Variants in KCNJ5 observed in about 807,000 individuals in gnomAD.
KCNJ5 encodes the protein G protein-activated inward rectifier potassium channel 4.
KCNJ5 carries 12 observed loss-of-function variants against 20.2 expected under a neutral mutation model. That is an observed-to-expected ratio of 0.59 (90% CI 0.38 to 0.96). The LOEUF (loss-of-function observed/expected upper bound fraction) is 0.96. Among genes scored for constraint, KCNJ5 ranks in the 40% least tolerant of loss-of-function variants. KCNJ5 has a pLI of 0.00. For missense variants in KCNJ5, 449 were observed against 557.6 expected, an observed-to-expected ratio of 0.81 and a Z score of 1.96; for synonymous variants, 210 against 213.9, an observed-to-expected ratio of 0.98 and a Z score of 0.16.
intron 1 of KCNJ5, among the ~76,000 whole-genome samples, chr11:128,910,548 A>G (rs1591449406): frequency 6.6e-6 from 1 of 152,260 alleles, no homozygotes; most frequent in Non-Finnish European, 1.5e-5. Flanking sequence ...AATGAAAGAA[A>G]CAGCACAGGC....
In KCNJ5 at chr11:128,916,759, T is replaced by G; in HGVS notation, c.*28T>G. 2.0e-6 allele frequency: 3 copies of G among 1,523,672 alleles called. No homozygotes were observed. In the South Asian group the frequency reaches 3.5e-5, roughly 18 times the overall value. The allele number at this position is 1,523,672 out of a possible 1,614,324, so 94.4% of individuals were successfully genotyped here. On this transcript the variant is annotated 3_prime_UTR_variant, in exon 3 of 3. Transcript: ENST00000529694. ...GGTGCAGCCTCCCTAAGACCTCCTG[T>G]CACTGGCTTCAGTGAACACAGACAC...
intron 1 of KCNJ5, among the ~76,000 whole-genome samples, chr11:128,897,085 G>A (rs757584163): frequency 1.1e-3 from 152 of 136,876 alleles, no homozygotes; most frequent in Non-Finnish European, 2.0e-3. Context: ...TACTAATACC[G>A]TTTACCACTT....
intron 1 of KCNJ5, among the ~76,000 whole-genome samples, chr11:128,894,565 T>C (rs1237518132): frequency 6.6e-6 from 1 of 152,264 alleles, no homozygotes; most frequent in African/African-American, 2.4e-5. Context: ...GTTTTGTTTT[T>C]ATTTTCTAAA....
At chr11:128,914,390 T>C (rs1262848460) in intron 2 of KCNJ5, among the ~76,000 whole-genome samples, 1 of 152,076 alleles carries the variant, frequency 6.6e-6, no homozygotes, top group African/African-American at 2.4e-5. Context: ...GGGCCCGCCA[T>C]TCACTTGTCC....
intron 1 of KCNJ5, among the ~76,000 whole-genome samples, chr11:128,910,911 G>T (rs577668110): frequency 6.6e-6 from 1 of 152,206 alleles, no homozygotes; most frequent in African/African-American, 2.4e-5. Flanking sequence ...CATGTAATGC[G>T]TGGGACACAG....
At position 128,911,725 on chromosome 11, in the gene KCNJ5, G is replaced by C. The variant is rs587777437; in HGVS notation, c.452G>C (p.Gly151Ala). 1 of 1,614,028 alleles carries C rather than the reference G, an allele frequency of 6.2e-7. No individual in the cohort carries two copies. Among genetic ancestry groups the C allele is most frequent in the Non-Finnish European group, 8.5e-7 (1 of 1,180,040 alleles). Residue 151 changes from glycine to alanine, a missense_variant, in exon 2 of 3, where the codon GGG (glycine) becomes GCG (alanine). Physicochemically the swap from Gly to Ala is moderately conservative, Grantham distance 60. Coordinates refer to ENST00000529694, the MANE Select transcript of KCNJ5 (RefSeq NM_000890.5). The surrounding 1 kb of genome is among the most constrained non-coding windows in gnomAD (Gnocchi z 6.3). ...LFSIETETTI[G>A]YGFRVITEKC... is the part of the protein sequence containing the mutation. ...TCCATTGAGACCGAAACAACCATTGGGTATGGCTTCCGAGTCATCACAGAG... is the reference window on the plus strand; with the variant it reads ...TCCATTGAGACCGAAACAACCATTGCGTATGGCTTCCGAGTCATCACAGAG...
rs1565550389 is a variant in KCNJ5, at chr11:128,909,244, CAGGCCT to C, written c.-10-2019_-10-2014del. Among the ~76,000 whole-genome samples the C allele has an allele frequency of 5.3e-5, 8 of 152,346 alleles. No individual in the cohort carries two copies. The South Asian group carries it at 1.7e-3, about 32-fold the overall frequency. On this transcript the variant is annotated intron_variant, in intron 1 of 2. Transcript: ENST00000529694. ...ATTAGGCAGTCAGCTCAGTGGTTGACAGGCCTTTTTCCAGGTTGTTCTACTGGGGAC... is the reference window on the plus strand; with the variant it reads ...ATTAGGCAGTCAGCTCAGTGGTTGACTTTTCCAGGTTGTTCTACTGGGGAC...
At chr11:128,897,850 C>CT (rs1293205544) in intron 1 of KCNJ5, among the ~76,000 whole-genome samples, 12 of 152,118 alleles carry the variant, frequency 7.9e-5, no homozygotes, top group East Asian at 5.8e-4. Context: ...GGTCAAGGTT[C>CT]TTTTTTTTGC....
chr11:128,903,830 C>T (rs566699252), intron 1 of KCNJ5, among the ~76,000 whole-genome samples: 8 of 152,118 alleles, frequency 5.3e-5, no homozygotes, highest in Non-Finnish European at 1.0e-4. Context: ...GGAAGTGACC[C>T]GAGCTGCCGG....
intron 1 of KCNJ5, chr11:128,900,115 G>A (rs1944248939): frequency 6.6e-6 from 1 of 152,098 alleles, no homozygotes; most frequent in Non-Finnish European, 1.5e-5. Flanking sequence ...TTAAAAAATT[G>A]CTGAATATAT....
chr11:128,903,996 CA>C (rs1266794192), intron 1 of KCNJ5, among the ~76,000 whole-genome samples: 2 of 152,222 alleles, frequency 1.3e-5, no homozygotes, highest in Non-Finnish European at 2.9e-5. Flanking sequence ...TGGAATCAGA[CA>C]AAACCTAGCC....
At chr11:128,914,003 C>G (rs1011495443) in intron 2 of KCNJ5, among the ~76,000 whole-genome samples, 1 of 152,130 alleles carries the variant, frequency 6.6e-6, no homozygotes, top group Non-Finnish European at 1.5e-5. Context: ...GGTGGCTGCT[C>G]GGCCATCTGC....
At chr11:128,908,770 C>T (rs963627150) in intron 1 of KCNJ5, among the ~76,000 whole-genome samples, 1 of 152,046 alleles carries the variant, frequency 6.6e-6, no homozygotes, top group African/African-American at 2.4e-5. Context: ...CCTGCCCTGC[C>T]CAACCTCAGT....
At chr11:128,910,536 G>T (rs149033835) in intron 1 of KCNJ5, among the ~76,000 whole-genome samples, 45 of 152,312 alleles carry the variant, frequency 3.0e-4, no homozygotes, top group Non-Finnish European at 5.6e-4. Flanking sequence ...GAGACAGCAA[G>T]GAATGAAAGA....
chr11:128,912,199 T>C lies in KCNJ5; in HGVS notation c.926T>C (p.Val309Ala). Residue 309 changes from valine to alanine, a missense_variant, in exon 2 of 3, where the codon GTG becomes GCG. By Grantham distance (64) the Val-to-Ala change is moderately conservative (BLOSUM62 0). This residue lies in a region of KCNJ5 where 145 missense variants were observed against 166.2 expected (regional missense o/e 0.87). Coordinates refer to ENST00000529694, the MANE Select transcript of KCNJ5 (RefSeq NM_000890.5). ...GTTGTGGTCATTCTAGAAGGGATGG[T>C]GGAAGCCACAGGTAAGGCGCTTTGT... Reference protein sequence around the residue: ...FEVVVILEGMVEATGMTCQAR... With the variant: ...FEVVVILEGMAEATGMTCQAR... The C allele has an allele frequency of 6.2e-7, 1 of 1,602,506 alleles. No homozygotes were observed. Among genetic ancestry groups the C allele is most frequent in the South Asian group, 1.1e-5 (1 of 91,058 alleles).
intron 1 of KCNJ5, among the ~76,000 whole-genome samples, chr11:128,894,183 G>GTTTTTTTTTTTTTTTTT (rs11322063): frequency 6.8e-6 from 1 of 147,736 alleles, no homozygotes; most frequent in Non-Finnish European, 1.5e-5. Flanking sequence ...CTTCTGCATT[G>GTTTTTTTTTTTTTTTTT]TTTTTTTTTT....
chr11:128,897,936 T>G (rs1326764061), intron 1 of KCNJ5, among the ~76,000 whole-genome samples: 1 of 152,224 alleles, frequency 6.6e-6, no homozygotes, highest in Non-Finnish European at 1.5e-5. Flanking sequence ...TTTGCACTTT[T>G]GTCAAAAATA....
Position 128,911,993 on chromosome 11 carries a change from G to A in KCNJ5, c.720G>A (p.Lys240=), listed in dbSNP as rs754133106. 1.2e-6 allele frequency: 2 copies of A among 1,607,940 alleles called. No individual in the cohort carries two copies. Among genetic ancestry groups the A allele is most frequent in the South Asian group, 2.2e-5 (2 of 90,426 alleles). The change falls in exon 2 of 3, where the codon AAG becomes AAA. Residue 240 remains lysine, a synonymous_variant. Coordinates refer to ENST00000529694, the MANE Select transcript of KCNJ5 (RefSeq NM_000890.5). The surrounding 1 kb of genome is among the most constrained non-coding windows in gnomAD (Gnocchi z 6.3). ...CCTCCATCCGGGCCAAGCTCATCAA[G>A]TCCCGGCAGACCAAAGAGGGGGAGT... ...VEASIRAKLI[K]SRQTKEGEFI... is the part of the protein sequence containing the mutation.
In KCNJ5 at chr11:128,916,466, G is replaced by A. The variant is rs768566424; in HGVS notation, c.995G>A (p.Arg332Gln). 43 of 1,614,098 alleles carry A rather than the reference G, an allele frequency of 2.7e-5. No homozygotes were observed. Among genetic ancestry groups the A allele is most frequent in the African/African-American group, 6.7e-5 (5 of 74,936 alleles). The change falls in exon 3 of 3, where the codon CGA becomes CAA. Residue 332 changes from arginine (R) to glutamine (Q), a missense_variant. Arg to Gln is a conservative substitution (Grantham distance 43, BLOSUM62 1). Transcript: ENST00000529694. ...GATACAGAGGTGCTCTGGGGCCACC[G>A]ATTCACACCAGTCCTCACCTTGGAA... ...YMDTEVLWGH[R>Q]FTPVLTLEKG...
Sources: allele counts gnomAD v4.1 joint callset (sites outside exome capture counted in the v4.1 genomes callset), GRCh38; gene constraint gnomAD v4.1.1; regional missense constraint gnomAD v4.1.1; non-coding constraint Gnocchi (gnomAD v3.1); transcripts MANE v1.5; gene names NCBI Gene and HGNC (gene_info 2026-07-23, HGNC 2026-07-21).